CTNND2: variants seen among roughly 807,000 people sequenced by gnomAD.
CTNND2 encodes catenin delta-2.
A neutral mutation model predicts 144.4 loss-of-function variants in CTNND2; 22 were observed. The observed-to-expected ratio is 0.15, with a 90% CI of 0.11 to 0.22. The LOEUF (loss-of-function observed/expected upper bound fraction) is 0.22, where lower values mean the gene tolerates loss of function less well. Ranked by LOEUF, CTNND2 falls within the 10% of genes least tolerant of loss-of-function variation. The pLI is 1.00. For missense variants in CTNND2, 1,353 were observed against 1,618.8 expected, an observed-to-expected ratio of 0.84 and a Z score of 2.82; for synonymous variants, 751 against 695.6, an observed-to-expected ratio of 1.08 and a Z score of -1.25.
intron 17 of CTNND2, among the ~76,000 whole-genome samples, chr5:11,020,613 T>A (rs1287269285): frequency 6.6e-6 from 1 of 152,168 alleles, no homozygotes; most frequent in Non-Finnish European, 1.5e-5. Context: ...TTGGAGCAAT[T>A]CTCCTGAATT....
At chr5:11,482,144 C>T (rs1469670248) in intron 3 of CTNND2, among the ~76,000 whole-genome samples, 1 of 152,130 alleles carries the variant, frequency 6.6e-6, no homozygotes, top group Non-Finnish European at 1.5e-5. Context: ...GACACTATGG[C>T]ACTGACCTCA....
chr5:11,716,718 G>A (rs1786372437), intron 2 of CTNND2, among the ~76,000 whole-genome samples: 1 of 151,680 alleles, frequency 6.6e-6, no homozygotes, highest in South Asian at 2.1e-4. Context: ...ACGGAGTCTT[G>A]CTCTGTCACC....
At chr5:11,777,340 C>A (rs1037584880) in intron 1 of CTNND2, among the ~76,000 whole-genome samples, 1 of 152,202 alleles carries the variant, frequency 6.6e-6, no homozygotes, top group Non-Finnish European at 1.5e-5. Context: ...CCATCACAGT[C>A]CATTGACTAT....
At chr5:11,023,490 CA>C (rs1268839980) in intron 16 of CTNND2, among the ~76,000 whole-genome samples, 5 of 152,044 alleles carry the variant, frequency 3.3e-5, no homozygotes, top group African/African-American at 1.2e-4. Flanking sequence ...ACAGTCAAAG[CA>C]AAAATGTGTG....
chr5:11,384,243 T>C lies in CTNND2; in HGVS notation c.1177+422A>G, dbSNP rs1300335867. Reference sequence around the variant, plus strand: ...TGAACGTCTAATTTGAGAAAATCCCTTACTTTTTCCACAATGAAATGTAGA... The same window carrying C: ...TGAACGTCTAATTTGAGAAAATCCCCTACTTTTTCCACAATGAAATGTAGA... On this transcript the variant is annotated intron_variant, in intron 7 of 21. Coordinates refer to ENST00000304623, the MANE Select transcript of CTNND2 (RefSeq NM_001332.4). The surrounding 1 kb of genome is among the most constrained non-coding windows in gnomAD (Gnocchi z 5.2). Among the ~76,000 whole-genome samples, 3 of 152,240 alleles carry C rather than the reference T, an allele frequency of 2.0e-5. No homozygotes were observed. Among genetic ancestry groups the C allele is most frequent in the Admixed American group, 2.0e-4 (3 of 15,286 alleles).
At chr5:11,067,247 T>C (rs1254391262) in intron 16 of CTNND2, among the ~76,000 whole-genome samples, 1 of 152,218 alleles carries the variant, frequency 6.6e-6, no homozygotes, top group Non-Finnish European at 1.5e-5. Flanking sequence ...AAGTGATACG[T>C]AGCTTTAATT....
intron 1 of CTNND2, among the ~76,000 whole-genome samples, chr5:11,788,032 T>C (rs6554638): frequency 0.86 from 130,747 of 152,256 alleles, 59,010 homozygotes; most frequent in South Asian, 0.99. Flanking sequence ...TATTTCATTG[T>C]TGAAATGATA....
intron 16 of CTNND2, among the ~76,000 whole-genome samples, chr5:11,048,285 A>T (rs1745488621): frequency 6.6e-6 from 1 of 152,230 alleles, no homozygotes; most frequent in Non-Finnish European, 1.5e-5. Context: ...ACAGTCAGGT[A>T]TCCCAAGGTA....
At chr5:11,167,240 C>T (rs1461340727) in intron 11 of CTNND2, among the ~76,000 whole-genome samples, 1 of 152,134 alleles carries the variant, frequency 6.6e-6, no homozygotes, top group South Asian at 2.1e-4. Context: ...TCCATAACAC[C>T]GTAAACTCTC....
chr5:11,846,837 CA>C (rs1273401983), intron 1 of CTNND2, among the ~76,000 whole-genome samples: 2 of 150,874 alleles, frequency 1.3e-5, no homozygotes, highest in African/African-American at 4.9e-5. Flanking sequence ...AATAGACATC[CA>C]AAAAAAATCA....
chr5:11,260,441 C>A (rs757060929), intron 9 of CTNND2, among the ~76,000 whole-genome samples: 13 of 151,944 alleles, frequency 8.6e-5, no homozygotes, highest in African/African-American at 9.7e-5. Flanking sequence ...TGAAAAAAAA[C>A]CAGTAAAATT....
chr5:11,903,519 G>T lies in CTNND2; in HGVS notation c.37+298C>A. On this transcript the variant is annotated intron_variant, in intron 1 of 21. Coordinates refer to ENST00000304623, the MANE Select transcript of CTNND2 (RefSeq NM_001332.4). This position sits in a 1 kb window ranked among gnomAD's most constrained non-coding sequence, Gnocchi z 5.4. ...GGCGGGGAGCAGCATTGTCGGTGTT[G>T]CCCTAAATACGCTTCCTCCCGGGGA... is the stretch of plus-strand genomic sequence containing the variant. The T allele has an allele frequency of 1.7e-6, 1 of 579,022 alleles. No individual in the cohort carries two copies. Among genetic ancestry groups the T allele is most frequent in the East Asian group, 5.3e-5 (1 of 18,804 alleles). The allele number at this position is 579,022 out of a possible 1,614,324, so 35.9% of individuals were successfully genotyped here.
chr5:11,358,668 T>A (rs1182116406), intron 8 of CTNND2, among the ~76,000 whole-genome samples: 1 of 152,240 alleles, frequency 6.6e-6, no homozygotes, highest in Non-Finnish European at 1.5e-5. Context: ...AATAAGATTT[T>A]ATGAATATGC....
chr5:11,547,981 TCTG>T (rs1483941825), intron 3 of CTNND2, among the ~76,000 whole-genome samples: 11 of 152,076 alleles, frequency 7.2e-5, no homozygotes, highest in Admixed American at 5.9e-4. Flanking sequence ...CCCTGCAGAC[TCTG>T]CAAATGTTCT....
intron 3 of CTNND2, among the ~76,000 whole-genome samples, chr5:11,424,081 G>A (rs1210352043): frequency 6.6e-6 from 1 of 152,072 alleles, no homozygotes; most frequent in Non-Finnish European, 1.5e-5. Context: ...TGAAAGTTTC[G>A]TTAAAAAGTT....
intron 3 of CTNND2, among the ~76,000 whole-genome samples, chr5:11,529,397 C>G (rs1165026375): frequency 1.3e-5 from 2 of 152,156 alleles, no homozygotes; most frequent in Admixed American, 1.3e-4. Context: ...TGCAGATATT[C>G]AGAAAAGGAA....
chr5:10,998,758 A>C (rs1395497439), intron 18 of CTNND2, among the ~76,000 whole-genome samples: 2 of 152,208 alleles, frequency 1.3e-5, no homozygotes, highest in Non-Finnish European at 2.9e-5. Flanking sequence ...CCTTCCCTAA[A>C]CAATGCAATT....
chr5:11,843,388 A>G (rs1353049582), intron 1 of CTNND2, among the ~76,000 whole-genome samples: 6 of 152,218 alleles, frequency 3.9e-5, no homozygotes. Context: ...ATTTTTCTGA[A>G]GATGCCACCT....
intron 2 of CTNND2, among the ~76,000 whole-genome samples, chr5:11,683,185 G>A (rs1484916959): frequency 6.6e-6 from 1 of 152,144 alleles, no homozygotes; most frequent in Non-Finnish European, 1.5e-5. Flanking sequence ...GAAATCCACA[G>A]ACATGTAATG....
Sources: allele counts gnomAD v4.1 joint callset (sites outside exome capture counted in the v4.1 genomes callset), GRCh38; gene constraint gnomAD v4.1.1; non-coding constraint Gnocchi (gnomAD v3.1); transcripts MANE v1.5; gene names NCBI Gene and HGNC (gene_info 2026-07-23, HGNC 2026-07-21).